Variants in NLGN1 observed in about 807,000 individuals in gnomAD.
NLGN1 encodes the protein neuroligin-1.
NLGN1 carries 12 observed loss-of-function variants against 65.5 expected under a neutral mutation model. That is an observed-to-expected ratio of 0.18 (90% CI 0.12 to 0.30). The LOEUF (loss-of-function observed/expected upper bound fraction) is 0.30. Ranked by LOEUF, NLGN1 falls within the 10% of genes least tolerant of loss-of-function variation. NLGN1 has a pLI of 1.00. For synonymous variants in NLGN1, 350 were observed against 359.5 expected (o/e 0.97, Z 0.30); for missense variants, 750 against 1,007.1 (o/e 0.74, Z 3.46).
chr3:173,979,801 T>C (rs1372266626), intron 4 of NLGN1, among the ~76,000 whole-genome samples: 1 of 152,138 alleles, frequency 6.6e-6, no homozygotes, highest in Non-Finnish European at 1.5e-5. Flanking sequence ...CTTGTGCATG[T>C]ATCCAGATGA....
At chr3:173,534,472 C>T (rs763437152) in intron 2 of NLGN1, among the ~76,000 whole-genome samples, 29 of 152,154 alleles carry the variant, frequency 1.9e-4, no homozygotes, top group Non-Finnish European at 3.7e-4. Context: ...CTTTCTGTCT[C>T]TCTTCCCCCC....
chr3:174,231,655 C>A (rs888201563), intron 4 of NLGN1, among the ~76,000 whole-genome samples: 2 of 152,134 alleles, frequency 1.3e-5, no homozygotes, highest in African/African-American at 4.8e-5. Flanking sequence ...GCATAGCAGC[C>A]CTTTTCCAAA....
chr3:173,861,192 T>G (rs2150801400), intron 4 of NLGN1, among the ~76,000 whole-genome samples: 1 of 152,196 alleles, frequency 6.6e-6, no homozygotes, highest in African/African-American at 2.4e-5. Context: ...AAAACAATAA[T>G]AATTATAAAG....
Position 174,064,158 on chromosome 3 carries a change from C to A in NLGN1, c.647-211157C>A, listed in dbSNP as rs571039074. Among the ~76,000 whole-genome samples, 306 of 151,280 alleles carry A rather than the reference C, an allele frequency of 2.0e-3. 3 individuals are homozygous for A. Among genetic ancestry groups the A allele is most frequent in the South Asian group, 5.6e-3 (27 of 4,780 alleles). On this transcript the variant is annotated intron_variant, in intron 4 of 6. Coordinates refer to ENST00000457714, the Ensembl canonical transcript of NLGN1. ...ACTCTGTCTCAAACAACAACAACAA[C>A]AAAAAACAATAGCAACAATAAAAAA... is the stretch of plus-strand genomic sequence containing the variant.
At chr3:174,273,669 T>C (rs928378002) in intron 4 of NLGN1, among the ~76,000 whole-genome samples, 6 of 151,900 alleles carry the variant, frequency 3.9e-5, no homozygotes, top group African/African-American at 1.4e-4. Flanking sequence ...TTGAACTGTA[T>C]TTTTTACAAC....
chr3:174,185,038 T>C (rs1350756031), intron 4 of NLGN1, among the ~76,000 whole-genome samples: 1 of 86,846 alleles, frequency 1.2e-5, no homozygotes, highest in Non-Finnish European at 2.6e-5. Context: ...TGGGACCCTA[T>C]AGAGCTGCAA....
intron 4 of NLGN1, among the ~76,000 whole-genome samples, chr3:174,125,834 G>A (rs981053732): frequency 6.6e-6 from 1 of 152,034 alleles, no homozygotes; most frequent in African/African-American, 2.4e-5. Context: ...AAGGAGTGAG[G>A]AATATTTCCA....
At chr3:173,884,848 C>T (rs1468906061) in intron 4 of NLGN1, among the ~76,000 whole-genome samples, 2 of 152,128 alleles carry the variant, frequency 1.3e-5, no homozygotes, top group African/African-American at 4.8e-5. Flanking sequence ...AGGTTCATGT[C>T]TGTTGAAGGC....
intron 2 of NLGN1, among the ~76,000 whole-genome samples, chr3:173,505,679 T>A (rs1731927845): frequency 6.6e-6 from 1 of 152,072 alleles, no homozygotes; most frequent in African/African-American, 2.4e-5. Flanking sequence ...CAAAGCTTGG[T>A]GAAAATGTCA....
intron 2 of NLGN1, among the ~76,000 whole-genome samples, chr3:173,538,074 G>A (rs537274013): frequency 6.6e-6 from 1 of 152,264 alleles, no homozygotes; most frequent in East Asian, 1.9e-4. Context: ...ATAAAGCTGT[G>A]GAAATAGGAA....
chr3:173,545,060 GT>G (rs1224126368), intron 2 of NLGN1, among the ~76,000 whole-genome samples: 1 of 123,158 alleles, frequency 8.1e-6, no homozygotes, highest in African/African-American at 3.4e-5. Flanking sequence ...GTGTGTGGTT[GT>G]TTTTTTTGTT....
chr3:174,292,326 C>T, the NLGN1 span, among the ~76,000 whole-genome samples: 1 of 151,086 alleles, frequency 6.6e-6, no homozygotes. Context: ...AAATAGAGGT[C>T]TGGGGAACAA....
chr3:173,490,808 A>C (rs1240320864), intron 2 of NLGN1, among the ~76,000 whole-genome samples: 6 of 152,160 alleles, frequency 3.9e-5, no homozygotes, highest in East Asian at 1.9e-4. Context: ...GAGGTCCTTC[A>C]CATCCCTTGT....
chr3:174,072,321 G>A (rs902003633), intron 4 of NLGN1, among the ~76,000 whole-genome samples: 2 of 152,118 alleles, frequency 1.3e-5, no homozygotes, highest in South Asian at 4.1e-4. Flanking sequence ...AGGAAGCAGA[G>A]GATAAGATTT....
intron 1 of NLGN1, among the ~76,000 whole-genome samples, chr3:173,415,943 A>AGAGAGAGAGAGAGAGAGCGCGC (rs141095727): frequency 1.4e-5 from 2 of 142,824 alleles, no homozygotes; most frequent in African/African-American, 5.6e-5. Context: ...AGAGAGAGAG[A>AGAGAGAGAGAGAGAGAGCGCGC]GCTTGGTATA....
intron 2 of NLGN1, among the ~76,000 whole-genome samples, chr3:173,452,010 G>A (rs991202924): frequency 6.6e-6 from 1 of 152,202 alleles, no homozygotes; most frequent in African/African-American, 2.4e-5. Context: ...TGCTTCCCGG[G>A]TGAGGCGATG....
chr3:174,245,954 A>G (rs1743700739), intron 4 of NLGN1, among the ~76,000 whole-genome samples: 1 of 152,190 alleles, frequency 6.6e-6, no homozygotes, highest in Non-Finnish European at 1.5e-5. Flanking sequence ...CTTCGATAGA[A>G]TTGTACCCAT....
At chr3:174,111,859 A>G (rs1190312369) in intron 4 of NLGN1, among the ~76,000 whole-genome samples, 2 of 152,008 alleles carry the variant, frequency 1.3e-5, no homozygotes, top group African/African-American at 4.8e-5. Flanking sequence ...AAAGTATGCC[A>G]TGAAGCAAGG....
intron 4 of NLGN1, among the ~76,000 whole-genome samples, chr3:174,165,379 G>A (rs1038933675): frequency 6.6e-6 from 1 of 151,802 alleles, no homozygotes; most frequent in Non-Finnish European, 1.5e-5. Context: ...TTCCTTTAAA[G>A]CCTAGTTTCT....
Sources: allele counts gnomAD v4.1 joint callset (sites outside exome capture counted in the v4.1 genomes callset), GRCh38; gene constraint gnomAD v4.1.1; transcripts MANE v1.5; gene names NCBI Gene and HGNC (gene_info 2026-07-23, HGNC 2026-07-21).